Variants in WWOX observed in about 807,000 individuals in gnomAD.
WWOX encodes the protein WW domain-containing oxidoreductase.
WWOX carries 69 observed loss-of-function variants against 46.2 expected under a neutral mutation model. The observed-to-expected ratio is 1.49, with a 90% CI of 1.23 to 1.82. The LOEUF (loss-of-function observed/expected upper bound fraction) is 1.82. Among genes scored for constraint, WWOX ranks in the 40% most tolerant of loss-of-function variants. The pLI, the probability that WWOX is intolerant of heterozygous loss-of-function variation, is 0.00. For missense variants in WWOX, 919 were observed against 542.6 expected (o/e 1.69, Z -6.89); for synonymous variants, 359 against 202.6 (o/e 1.77, Z -6.56).
chr16:78,930,554 G>T (rs1175904761), intron 8 of WWOX, among the ~76,000 whole-genome samples: 1 of 147,638 alleles, frequency 6.8e-6, no homozygotes, highest in Non-Finnish European at 1.5e-5. Context: ...GCCTCCCAAA[G>T]TGCTGGGATC....
Position 79,028,042 on chromosome 16 carries a change from C to T in WWOX, c.1057-183566C>T, listed in dbSNP as rs189739242. ...TCTCAGCTCACTGCCAGCTCTGCCT[C>T]CTGGGTTCACGCCATTCTCCTGCTC... On this transcript the variant is annotated intron_variant, in intron 8 of 8. Coordinates refer to ENST00000566780, the MANE Select transcript of WWOX (RefSeq NM_016373.4). Among the ~76,000 whole-genome samples the T allele has an allele frequency of 4.0e-4, 60 of 151,896 alleles. 3 individuals are homozygous for T. Among genetic ancestry groups the T allele is most frequent in the African/African-American group, 1.3e-3 (52 of 41,192 alleles).
intron 6 of WWOX, among the ~76,000 whole-genome samples, chr16:78,403,850 A>G (rs1446618128): frequency 1.3e-5 from 2 of 152,318 alleles, no homozygotes; most frequent in East Asian, 3.9e-4. Flanking sequence ...CTTCTTAGCC[A>G]TGGATGTGTT....
intron 6 of WWOX, among the ~76,000 whole-genome samples, chr16:78,406,918 G>C (rs1374221871): frequency 1.3e-5 from 2 of 152,186 alleles, no homozygotes; most frequent in Admixed American, 1.3e-4. Flanking sequence ...CAGCCACTGT[G>C]CCCGGCCGGA....
intron 6 of WWOX, among the ~76,000 whole-genome samples, chr16:78,413,942 A>G (rs2082739686): frequency 6.6e-6 from 1 of 151,796 alleles, no homozygotes. Context: ...TGTGACCTGC[A>G]CATATACATC....
intron 5 of WWOX, among the ~76,000 whole-genome samples, chr16:78,326,265 T>A (rs1434058946): frequency 6.6e-6 from 1 of 152,214 alleles, no homozygotes; most frequent in Non-Finnish European, 1.5e-5. Flanking sequence ...TGCTGTCATT[T>A]GATGCTTTAT....
At chr16:79,156,090 AG>A (rs1320004168) in intron 8 of WWOX, among the ~76,000 whole-genome samples, 5 of 152,220 alleles carry the variant, frequency 3.3e-5, no homozygotes, top group Admixed American at 6.5e-5. Context: ...GAATTTGCAC[AG>A]TCTCACTACT....
rs189672701 is a variant in WWOX, at chr16:79,188,367, G to T, written c.1057-23241G>T. On this transcript the variant is annotated intron_variant, in intron 8 of 8. Coordinates refer to ENST00000566780, the MANE Select transcript of WWOX (RefSeq NM_016373.4). ...GGTGTGGCCAAGACCTATTTCCCTT[G>T]CAAATGCTCTCTCTCTTTTTTCGGT... 5.5e-3 allele frequency among the ~76,000 whole-genome samples: 809 copies of T among 147,350 alleles called. 5 individuals carry two copies. The highest frequency in any genetic ancestry group is 0.019 in the African/African-American group (761 of 39,502).
In WWOX at chr16:78,654,657, C is replaced by CTG. The variant is rs200173279; in HGVS notation, c.1056+221911_1056+221912dup. On this transcript the variant is annotated intron_variant, in intron 8 of 8. Coordinates refer to ENST00000566780, the MANE Select transcript of WWOX (RefSeq NM_016373.4). ...TACCTTTCTCTCTCTCTCTCTCTCT[C>CTG]TGTGTGTATGTGTGTGTGTGTATAA... Among the ~76,000 whole-genome samples, 1,071 of 151,982 alleles carry CTG rather than the reference C, an allele frequency of 7.0e-3. 15 individuals carry two copies. The highest frequency in any genetic ancestry group is 0.025 in the African/African-American group (1,028 of 41,462).
intron 8 of WWOX, among the ~76,000 whole-genome samples, chr16:78,815,874 G>C (rs959658072): frequency 6.6e-6 from 1 of 152,214 alleles, no homozygotes; most frequent in African/African-American, 2.4e-5. Flanking sequence ...ATAAACTTGA[G>C]AGTGACTTCC....
chr16:78,887,293 T>C (rs2044485207), intron 8 of WWOX, among the ~76,000 whole-genome samples: 2 of 151,486 alleles, frequency 1.3e-5, no homozygotes, highest in South Asian at 2.1e-4. Context: ...GGATTTCTCC[T>C]GACTCTCTAT....
intron 8 of WWOX, among the ~76,000 whole-genome samples, chr16:78,956,130 A>G (rs1567436359): frequency 6.6e-6 from 1 of 151,266 alleles, no homozygotes; most frequent in Admixed American, 6.6e-5. Context: ...AGATCCATGT[A>G]TTTGTTTAGG....
At chr16:78,326,593 A>G (rs954343494) in intron 5 of WWOX, among the ~76,000 whole-genome samples, 2 of 47,320 alleles carry the variant, frequency 4.2e-5, no homozygotes, top group African/African-American at 2.6e-4. Flanking sequence ...CCCCCCCGCA[A>G]TGCCTCAATC....
chr16:78,912,615 C>A (rs927253619), intron 8 of WWOX, among the ~76,000 whole-genome samples: 1 of 151,990 alleles, frequency 6.6e-6, no homozygotes, highest in Non-Finnish European at 1.5e-5. Flanking sequence ...GGGAAAACAC[C>A]TTGTAGAATT....
At chr16:78,326,780 T>G (rs1218322646) in intron 5 of WWOX, among the ~76,000 whole-genome samples, 1 of 150,878 alleles carries the variant, frequency 6.6e-6, no homozygotes, top group Non-Finnish European at 1.5e-5. Flanking sequence ...GCAATACACT[T>G]AAAATGCAGA....
At chr16:78,918,289 A>G (rs111325819) in intron 8 of WWOX, among the ~76,000 whole-genome samples, 4 of 152,210 alleles carry the variant, frequency 2.6e-5, no homozygotes, top group African/African-American at 4.8e-5. Flanking sequence ...TGGATACATG[A>G]TATTTGTACT....
At chr16:78,335,979 C>T (rs13337639) in intron 5 of WWOX, among the ~76,000 whole-genome samples, 10,943 of 152,054 alleles carry the variant, frequency 0.072, 1,156 homozygotes, top group African/African-American at 0.23. Context: ...GTAGTCCCAG[C>T]TATTTGGAAG....
intron 8 of WWOX, among the ~76,000 whole-genome samples, chr16:78,960,716 C>G (rs996741575): frequency 3.3e-5 from 5 of 152,174 alleles, no homozygotes; most frequent in African/African-American, 4.8e-5. Context: ...GTATGACTTT[C>G]CAGTAGAGGT....
At chr16:78,501,160 A>C (rs1201822698) in intron 8 of WWOX, among the ~76,000 whole-genome samples, 1 of 128,574 alleles carries the variant, frequency 7.8e-6, no homozygotes, top group Admixed American at 8.2e-5. Context: ...CCCTCACTGC[A>C]ATACATGTTT....
Position 78,346,639 on chromosome 16 carries a change from A to G in WWOX, c.517-40221A>G, listed in dbSNP as rs186775257. Among the ~76,000 whole-genome samples, 99 of 120,028 alleles carry G rather than the reference A, an allele frequency of 8.2e-4. 24 individuals carry two copies. The highest frequency in any genetic ancestry group is 2.7e-3 in the African/African-American group (95 of 35,428). 78.7% of individuals were successfully genotyped at this position (120,028 alleles called of 152,430 possible). On this transcript the variant is annotated intron_variant, in intron 5 of 8. Coordinates refer to ENST00000566780, the MANE Select transcript of WWOX (RefSeq NM_016373.4). ...GTATATTTTTTTTTAATTGTGAAATATGTGAGTATGATGAGTAATGATTTT... is the reference window on the plus strand; with the variant it reads ...GTATATTTTTTTTTAATTGTGAAATGTGTGAGTATGATGAGTAATGATTTT...
Sources: allele counts gnomAD v4.1 joint callset (sites outside exome capture counted in the v4.1 genomes callset), GRCh38; gene constraint gnomAD v4.1.1; transcripts MANE v1.5; gene names NCBI Gene and HGNC (gene_info 2026-07-23, HGNC 2026-07-21).